Variants in LRRTM4 observed in about 807,000 individuals in gnomAD.
LRRTM4 encodes leucine rich repeat transmembrane neuronal 4.
Under a neutral mutation model 47.6 loss-of-function variants are expected in LRRTM4, and 25 were observed. The ratio of observed to expected loss-of-function variants is 0.53; its 90% CI spans 0.38 to 0.73. The LOEUF is 0.73. Among genes scored for constraint, LRRTM4 ranks in the 30% least tolerant of loss-of-function variants. LRRTM4 has a pLI of 0.00. For missense variants in LRRTM4, 638 were observed against 713.4 expected (o/e 0.89, Z 1.20); for synonymous variants, 311 against 269.5 (o/e 1.15, Z -1.51).
intron 3 of LRRTM4, among the ~76,000 whole-genome samples, chr2:77,382,790 T>A (rs1292562518): frequency 6.6e-6 from 1 of 152,132 alleles, no homozygotes; most frequent in Non-Finnish European, 1.5e-5. Flanking sequence ...TTCACCTTTT[T>A]AAATTTTTTA....
At chr2:76,823,773 AT>A (rs1558677657) in intron 3 of LRRTM4, among the ~76,000 whole-genome samples, 1 of 151,572 alleles carries the variant, frequency 6.6e-6, no homozygotes, top group Non-Finnish European at 1.5e-5. Flanking sequence ...ATATCAAAAA[AT>A]AAAAGTCAAA....
chr2:76,960,406 A>C (rs1675816989), intron 3 of LRRTM4, among the ~76,000 whole-genome samples: 1 of 151,644 alleles, frequency 6.6e-6, no homozygotes, highest in South Asian at 2.1e-4. Context: ...ATTACTAAAA[A>C]GACACAAACA....
At chr2:76,893,659 A>C (rs1422626203) in intron 3 of LRRTM4, among the ~76,000 whole-genome samples, 1 of 151,786 alleles carries the variant, frequency 6.6e-6, no homozygotes, top group Admixed American at 6.6e-5. Flanking sequence ...CCTTAAAGAG[A>C]ACTCATCCTA....
chr2:76,776,599 A>G (rs1445435899), intron 3 of LRRTM4, among the ~76,000 whole-genome samples: 12 of 151,732 alleles, frequency 7.9e-5, no homozygotes, highest in Admixed American at 2.0e-4. Context: ...ACTTTTTGAT[A>G]GGGTTGTTTG....
intron 3 of LRRTM4, among the ~76,000 whole-genome samples, chr2:76,991,206 A>G (rs1676995631): frequency 6.6e-6 from 1 of 151,746 alleles, no homozygotes; most frequent in Non-Finnish European, 1.5e-5. Context: ...AAGATCTCAA[A>G]TTAATGATCT....
chr2:77,159,178 G>A (rs1372706272), intron 3 of LRRTM4, among the ~76,000 whole-genome samples: 5 of 142,350 alleles, frequency 3.5e-5, no homozygotes, highest in Non-Finnish European at 8.1e-5. Context: ...TGATTTAGCG[G>A]TGCTAACTCC....
At chr2:77,064,046 C>A (rs981164231) in intron 3 of LRRTM4, among the ~76,000 whole-genome samples, 1 of 151,952 alleles carries the variant, frequency 6.6e-6, no homozygotes, top group Non-Finnish European at 1.5e-5. Context: ...TTTTAAGGAG[C>A]AAGAAATTCT....
At chr2:77,080,237 TC>T (rs1369163892) in intron 3 of LRRTM4, among the ~76,000 whole-genome samples, 1 of 152,200 alleles carries the variant, frequency 6.6e-6, no homozygotes, top group Non-Finnish European at 1.5e-5. Flanking sequence ...ACATCTGATT[TC>T]CCCCTTACAT....
At chr2:76,979,639 C>G (rs1043500666) in intron 3 of LRRTM4, among the ~76,000 whole-genome samples, 1 of 148,690 alleles carries the variant, frequency 6.7e-6, no homozygotes, top group Non-Finnish European at 1.5e-5. Context: ...ATGGTATATT[C>G]ATGAATCTGC....
chr2:77,136,731 A>C (rs1441236589), intron 3 of LRRTM4, among the ~76,000 whole-genome samples: 1 of 149,906 alleles, frequency 6.7e-6, no homozygotes, highest in African/African-American at 2.5e-5. Context: ...ACCTTGAAAA[A>C]AGATTAGATG....
chr2:77,364,141 AAAC>A lies in LRRTM4; in HGVS notation c.1551+154174_1551+154176del, dbSNP rs202033745. 1.8e-3 allele frequency among the ~76,000 whole-genome samples: 264 copies of A among 142,848 alleles called. 1 individual carries two copies. Among genetic ancestry groups the A allele is most frequent in the East Asian group, 5.8e-3 (27 of 4,668 alleles). 93.7% of individuals were successfully genotyped at this position (142,848 alleles called of 152,430 possible). A position where few individuals can be genotyped will look rare whatever the true frequency, so the allele number is the denominator to read the frequency against. ...CCATGGATGACTACAAAAAAAAAAAAAACAAGTTCTTGTTTATCCCTCTGTGTT... is the reference window on the plus strand; with the variant it reads ...CCATGGATGACTACAAAAAAAAAAAAAAGTTCTTGTTTATCCCTCTGTGTT... On this transcript the variant is annotated intron_variant, in intron 3 of 3. Coordinates refer to ENST00000409884, the MANE Select transcript of LRRTM4 (RefSeq NM_001134745.3).
chr2:76,944,087 G>T (rs376775569), intron 3 of LRRTM4, among the ~76,000 whole-genome samples: 3 of 152,136 alleles, frequency 2.0e-5, no homozygotes, highest in Admixed American at 1.3e-4. Context: ...AATGTGACCT[G>T]TGATGTCCTT....
intron 3 of LRRTM4, among the ~76,000 whole-genome samples, chr2:76,770,645 G>A (rs1484085618): frequency 1.3e-5 from 2 of 152,144 alleles, no homozygotes; most frequent in Non-Finnish European, 2.9e-5. Flanking sequence ...GTAACTACCT[G>A]TAAAATACAT....
intron 3 of LRRTM4, among the ~76,000 whole-genome samples, chr2:76,935,740 T>G (rs985048188): frequency 2.0e-5 from 3 of 152,192 alleles, no homozygotes; most frequent in Non-Finnish European, 4.4e-5. Context: ...AAGGAGATTT[T>G]GGGCTGAGAC....
chr2:77,360,518 ATACGATACGATACG>A (rs1304505342), intron 3 of LRRTM4, among the ~76,000 whole-genome samples: 26 of 146,868 alleles, frequency 1.8e-4, no homozygotes, highest in Non-Finnish European at 3.3e-4. Flanking sequence ...ATACGATACG[ATACGATACGATACG>A]ATACAATACA....
intron 3 of LRRTM4, chr2:77,517,066 T>G: frequency 1.0e-6 from 1 of 985,088 alleles, no homozygotes; most frequent in African/African-American, 1.7e-5. Flanking sequence ...CTCTCTTCAC[T>G]AGTTTCTTCC....
At chr2:77,175,215 G>C (rs1188636464) in intron 3 of LRRTM4, among the ~76,000 whole-genome samples, 1 of 151,754 alleles carries the variant, frequency 6.6e-6, no homozygotes, top group African/African-American at 2.4e-5. Flanking sequence ...GATTACAGGT[G>C]TGCACCACCA....
chr2:77,292,328 C>A (rs1293809373), intron 3 of LRRTM4, among the ~76,000 whole-genome samples: 1 of 151,082 alleles, frequency 6.6e-6, no homozygotes, highest in African/African-American at 2.4e-5. Flanking sequence ...ACCATTTGAC[C>A]CAGCCATCCC....
chr2:77,516,933 A>G lies in LRRTM4; in HGVS notation c.1551+1385T>C, dbSNP rs191478993. On this transcript the variant is annotated intron_variant, in intron 3 of 3. Coordinates refer to ENST00000409884, the MANE Select transcript of LRRTM4 (RefSeq NM_001134745.3). ...GAGTATATGCTATCAAAGAGCAATTATATTTTCCAACTGTTAACTAGCATT... is the reference window on the plus strand; with the variant it reads ...GAGTATATGCTATCAAAGAGCAATTGTATTTTCCAACTGTTAACTAGCATT... The G allele has an allele frequency of 1.5e-3, 1,515 of 984,730 alleles. 4 individuals carry two copies. Among genetic ancestry groups the G allele is most frequent in the Non-Finnish European group, 1.7e-3 (1,398 of 829,358 alleles). 61.0% of individuals were successfully genotyped at this position (984,730 alleles called of 1,614,324 possible).
Sources: gnomAD v4.1 joint callset for allele counts (sites outside exome capture counted in the v4.1 genomes callset) on GRCh38, gnomAD v4.1.1 for gene constraint, MANE v1.5 for transcripts, NCBI Gene and HGNC (gene_info 2026-07-23, HGNC 2026-07-21) for gene names.